Variants in BRCC3 observed in about 807,000 individuals in gnomAD.
BRCC3 encodes BRCA1/BRCA2-containing complex subunit 3.
In BRCC3, 15 loss-of-function variants were observed where a neutral mutation model predicts 28.0. That is an observed-to-expected ratio of 0.54 (90% CI 0.36 to 0.82). The LOEUF (loss-of-function observed/expected upper bound fraction) is 0.82. Among genes scored for constraint, BRCC3 ranks in the 40% least tolerant of loss-of-function variants. The probability of loss-of-function intolerance (pLI) is 0.01; values close to 1 mark genes in which losing one functional copy is unlikely to be tolerated. For synonymous variants in BRCC3, 66 were observed against 80.3 expected (o/e 0.82, Z 0.95); for missense variants, 109 against 225.9 (o/e 0.48, Z 3.32).
At chrX:155,071,953 G>T (rs1409995105) in intron 1 of BRCC3, among the ~76,000 whole-genome samples, 7 of 112,117 alleles carry the variant, frequency 6.2e-5, no homozygotes, top group African/African-American at 2.3e-4. Flanking sequence ...TGCAAGGCAG[G>T]TCAGAAAGAC....
chrX:155,116,886 G>C, intron 9 of BRCC3, 132 bp downstream of exon 9: 1 of 451,739 alleles, frequency 2.2e-6, no homozygotes, highest in Non-Finnish European at 3.8e-6. Context: ...CTTTCCCAAG[G>C]GTTTTCCTGA....
At chrX:155,091,418 T>C (rs1352934217) in intron 7 of BRCC3, among the ~76,000 whole-genome samples, 4 of 110,424 alleles carry the variant, frequency 3.6e-5, no homozygotes, top group African/African-American at 1.3e-4. Context: ...ACTACAGGCA[T>C]GTACCACCAC....
chrX:155,071,539 G>C lies in BRCC3; in HGVS notation c.12G>C (p.Gln4His). 1 of 1,205,821 alleles carries C rather than the reference G, an allele frequency of 8.3e-7. No individual in the cohort carries two copies. Residue 4 changes from glutamine to histidine, a missense_variant, in exon 1 of 11, where the codon CAG (glutamine) becomes CAC (histidine). This residue lies in a region of BRCC3 where 58 missense variants were observed against 92.8 expected (regional missense o/e 0.63). Transcript: ENST00000330045. ...AGGGTCGGGCCAAGATGGCGGTGCA[G>C]GTGGTGCAGGCGGTGCAGGCGGTTC... MAV[Q>H]VVQAVQAVHL...
chrX:155,104,829 T>G (rs912258836), intron 7 of BRCC3, among the ~76,000 whole-genome samples: 18 of 112,920 alleles, frequency 1.6e-4, no homozygotes, highest in African/African-American at 5.5e-4. Context: ...TAAGCTTTAT[T>G]GAGGTATAAT....
intron 7 of BRCC3, among the ~76,000 whole-genome samples, chrX:155,096,481 T>C (rs1055205874): frequency 5.4e-5 from 6 of 111,943 alleles, no homozygotes; most frequent in Admixed American, 1.9e-4. Context: ...AAGGAAGATA[T>C]ACAAGTGGTC....
intron 3 of BRCC3, among the ~76,000 whole-genome samples, chrX:155,074,270 C>A (rs1412154069): frequency 2.7e-5 from 3 of 112,131 alleles, no homozygotes; most frequent in Non-Finnish European, 5.6e-5. Context: ...CTTCTTAATC[C>A]CGTATCTTCC....
At chrX:155,116,285 C>T in intron 8 of BRCC3, 97 bp downstream of exon 8, 5 of 859,961 alleles carry the variant, frequency 5.8e-6, no homozygotes, top group Non-Finnish European at 7.9e-6. Context: ...CTCTTGAGGC[C>T]CCTTCTTTTT....
intron 3 of BRCC3, among the ~76,000 whole-genome samples, chrX:155,076,105 A>T (rs1417129917): frequency 8.9e-6 from 1 of 112,402 alleles, no homozygotes; most frequent in African/African-American, 3.2e-5. Context: ...TTAGTCTGTT[A>T]TCACACTGTA....
rs190034722 is a variant in BRCC3, at chrX:155,076,153, G to C, written c.196-1017G>C. ...AGGCCGGGTGCGGTGGGTTATGCCTGTAATCCCAGCACTTCGAGAGGTCGA... is the reference window on the plus strand; with the variant it reads ...AGGCCGGGTGCGGTGGGTTATGCCTCTAATCCCAGCACTTCGAGAGGTCGA... On this transcript the variant is annotated intron_variant, in intron 3 of 10. Transcript: ENST00000330045. 3.5e-3 allele frequency among the ~76,000 whole-genome samples: 393 copies of C among 112,151 alleles called. 1 individual carries two copies. The highest frequency in any genetic ancestry group is 5.8e-3 in the Non-Finnish European group (309 of 53,228).
At chrX:155,104,594 C>T (rs1484699147) in intron 7 of BRCC3, among the ~76,000 whole-genome samples, 2 of 112,281 alleles carry the variant, frequency 1.8e-5, no homozygotes, top group East Asian at 2.8e-4. Context: ...CTTTCCTCTA[C>T]GGTACTTTAC....
In BRCC3 at chrX:155,077,170, G is replaced by A. The variant is rs913823922; in HGVS notation, c.196G>A (p.Val66Ile). Residue 66 changes from valine (V) to isoleucine (I), a missense_variant and splice_region_variant, in exon 4 of 11, where the codon GTT (valine) becomes ATT (isoleucine). Physicochemically the swap from Val to Ile is conservative, Grantham distance 29. Around this residue, in one of 3 missense-constraint regions of BRCC3, gnomAD observed 58 missense variants for 92.8 expected, o/e 0.63. Transcript: ENST00000330045. ...ACCATTTCTGTGGATTTTCCTTTAGGTTGATGCCGTCAGAATTGTTCACAT... is the reference window on the plus strand; with the variant it reads ...ACCATTTCTGTGGATTTTCCTTTAGATTGATGCCGTCAGAATTGTTCACAT... ...GTEMRTVAEK[V>I]DAVRIVHIHS... 6 of 1,176,924 alleles carry A rather than the reference G, an allele frequency of 5.1e-6. No individual in the cohort carries two copies. Among genetic ancestry groups the A allele is most frequent in the South Asian group, 1.8e-5 (1 of 55,384 alleles).
At chrX:155,114,740 A>G (rs1361108104) in intron 7 of BRCC3, among the ~76,000 whole-genome samples, 3 of 110,936 alleles carry the variant, frequency 2.7e-5, no homozygotes, top group Non-Finnish European at 3.8e-5. Flanking sequence ...AGAGTTAAAA[A>G]AAAAAAGAGA....
chrX:155,112,237 T>C (rs1224506889), intron 7 of BRCC3, among the ~76,000 whole-genome samples: 1 of 111,632 alleles, frequency 9.0e-6, no homozygotes, highest in East Asian at 2.8e-4. Flanking sequence ...CTGGGGCCAT[T>C]ATTAAGTAAA....
At chrX:155,085,543 G>A (rs2074117327) in intron 5 of BRCC3, among the ~76,000 whole-genome samples, 1 of 112,279 alleles carries the variant, frequency 8.9e-6, no homozygotes, top group Non-Finnish European at 1.9e-5. Flanking sequence ...CTGACCAAAA[G>A]AGCATCTCTC....
At chrX:155,120,704 C>G (rs782154918) in intron 10 of BRCC3, among the ~76,000 whole-genome samples, 1 of 111,087 alleles carries the variant, frequency 9.0e-6, no homozygotes, top group African/African-American at 3.3e-5. Flanking sequence ...TGAGGGTGCC[C>G]TTTTTAGCCC....
rs189814822 is a variant in BRCC3, at chrX:155,098,356, A to T, written c.548+7517A>T. Among the ~76,000 whole-genome samples the T allele has an allele frequency of 2.3e-4, 26 of 112,472 alleles. No individual in the cohort carries two copies. In the East Asian group the frequency reaches 6.4e-3, roughly 28 times the overall value. ...TATTTAGAAGTGCATTTAAAAATTTAAAATTTTGAAATTTCCAGTTGTTTA... is the reference window on the plus strand; with the variant it reads ...TATTTAGAAGTGCATTTAAAAATTTTAAATTTTGAAATTTCCAGTTGTTTA... On this transcript the variant is annotated intron_variant, in intron 7 of 10. Transcript: ENST00000330045.
intron 5 of BRCC3, among the ~76,000 whole-genome samples, chrX:155,087,593 G>C (rs1480808547): frequency 6.3e-5 from 7 of 111,760 alleles, no homozygotes; most frequent in Non-Finnish European, 1.1e-4. Flanking sequence ...ATCCCCCAAA[G>C]GGTAAGGGTA....
intron 5 of BRCC3, among the ~76,000 whole-genome samples, chrX:155,086,136 T>C (rs2074125894): frequency 9.0e-6 from 1 of 111,549 alleles, no homozygotes; most frequent in African/African-American, 3.3e-5. Flanking sequence ...GTCACAGCTG[T>C]CTGTCCAGTG....
chrX:155,080,308 T>C (rs2074075913), intron 5 of BRCC3, among the ~76,000 whole-genome samples: 1 of 111,819 alleles, frequency 8.9e-6, no homozygotes, highest in African/African-American at 3.2e-5. Flanking sequence ...AAATACCTTA[T>C]AAGTATCTGA....
Sources: allele counts gnomAD v4.1 joint callset (sites outside exome capture counted in the v4.1 genomes callset), GRCh38; gene constraint gnomAD v4.1.1; regional missense constraint gnomAD v4.1.1; transcripts MANE v1.5; gene names NCBI Gene and HGNC (gene_info 2026-07-23, HGNC 2026-07-21).